Variants in LIMCH1 observed in about 807,000 individuals in gnomAD.
LIMCH1 encodes LIM and calponin homology domains 1, also known as LIM and calponin homology domains-containing protein 1.
Under a neutral mutation model 176.5 loss-of-function variants are expected in LIMCH1, and 113 were observed. That is an observed-to-expected ratio of 0.64 (90% CI 0.55 to 0.75). LIMCH1 has a LOEUF of 0.75. Among genes scored for constraint, LIMCH1 ranks in the 30% least tolerant of loss-of-function variants. The pLI is 0.00. For missense variants in LIMCH1, 1,674 were observed against 1,814.9 expected (o/e 0.92, Z 1.41); for synonymous variants, 619 against 645.9 (o/e 0.96, Z 0.63).
chr4:41,591,421 C>A (rs571327859), intron 1 of LIMCH1, among the ~76,000 whole-genome samples: 1 of 151,978 alleles, frequency 6.6e-6, no homozygotes, highest in Non-Finnish European at 1.5e-5. Flanking sequence ...TTTTAAAAAA[C>A]GTTTTATAGA....
Position 41,682,455 on chromosome 4 carries a change from G to A in LIMCH1, c.3840G>A (p.Lys1280=). 8 of 1,612,642 alleles carry A rather than the reference G, an allele frequency of 5.0e-6. No homozygotes were observed. The highest frequency in any genetic ancestry group is 4.2e-6 in the Non-Finnish European group (5 of 1,179,084). Residue 1280 remains lysine, a synonymous_variant, in exon 26 of 32, where the codon AAG becomes AAA. Transcript: ENST00000503057. ...GGGAAAGTGATCGACTGGAGGAGAA[G>A]GGCAGGTATGAGCCCATCCCAAGCC... The part of the protein sequence containing the change: ...KTRESDRLEE[K]GSLTEGALAH...
chr4:41,509,685 G>A (rs2074614285), intron 2 of LIMCH1, among the ~76,000 whole-genome samples: 1 of 152,222 alleles, frequency 6.6e-6, no homozygotes. Context: ...CAAGAATTGA[G>A]TATCCCCAAC....
At chr4:41,635,675 A>T (rs1392004668) in intron 13 of LIMCH1, among the ~76,000 whole-genome samples, 3 of 152,226 alleles carry the variant, frequency 2.0e-5, no homozygotes, top group Non-Finnish European at 4.4e-5. Context: ...CACATTTCCT[A>T]TCAACAAGTG....
intron 7 of LIMCH1, among the ~76,000 whole-genome samples, chr4:41,621,947 C>T (rs1487379167): frequency 6.6e-6 from 1 of 151,428 alleles, no homozygotes. Flanking sequence ...TGTTGAGTTA[C>T]ATAAATTTAA....
chr4:41,505,544 T>C (rs1226185039), intron 2 of LIMCH1, among the ~76,000 whole-genome samples: 1 of 152,178 alleles, frequency 6.6e-6, no homozygotes, highest in Non-Finnish European at 1.5e-5. Context: ...AACCCTGACC[T>C]CTGTGGTGAT....
intron 2 of LIMCH1, among the ~76,000 whole-genome samples, chr4:41,509,714 T>C (rs1276513148): frequency 6.6e-6 from 1 of 152,172 alleles, no homozygotes; most frequent in Non-Finnish European, 1.5e-5. Context: ...GTTAGAAAGA[T>C]GAAAACAGAT....
At chr4:41,627,628 A>G (rs1373491300) in intron 8 of LIMCH1, among the ~76,000 whole-genome samples, 6 of 152,246 alleles carry the variant, frequency 3.9e-5, no homozygotes, top group African/African-American at 1.4e-4. Flanking sequence ...CCTTTTGCCA[A>G]CATTTTCCCC....
chr4:41,504,042 C>T (rs1284338509), intron 2 of LIMCH1, among the ~76,000 whole-genome samples: 1 of 152,174 alleles, frequency 6.6e-6, no homozygotes, highest in Non-Finnish European at 1.5e-5. Flanking sequence ...GTACTTTCTC[C>T]TTTTAATTTA....
At chr4:41,391,535 C>A (rs543242339) in intron 1 of LIMCH1, among the ~76,000 whole-genome samples, 259 of 152,282 alleles carry the variant, frequency 1.7e-3, no homozygotes, top group Non-Finnish European at 2.5e-3. Flanking sequence ...GTGGAGAAAT[C>A]TGGCAGACAC....
chr4:41,674,128 A>G (rs1018936696), intron 22 of LIMCH1, among the ~76,000 whole-genome samples: 6 of 151,888 alleles, frequency 4.0e-5, no homozygotes, highest in Admixed American at 2.0e-4. Context: ...TAAAATACCC[A>G]CTGCTTTCCT....
chr4:41,624,239 T>G (rs2092785142), intron 7 of LIMCH1, among the ~76,000 whole-genome samples: 1 of 152,184 alleles, frequency 6.6e-6, no homozygotes, highest in Non-Finnish European at 1.5e-5. Flanking sequence ...GTGCTTGCTT[T>G]CTGCTAGTCT....
At chr4:41,484,403 C>T (rs939177445) in intron 1 of LIMCH1, among the ~76,000 whole-genome samples, 13 of 152,150 alleles carry the variant, frequency 8.5e-5, no homozygotes, top group African/African-American at 3.1e-4. Flanking sequence ...GAGTGTGATC[C>T]ATCAATGTTT....
chr4:41,364,897 CT>C (rs148627191), intron 1 of LIMCH1, among the ~76,000 whole-genome samples: 1,688 of 151,274 alleles, frequency 0.011, 32 homozygotes, highest in African/African-American at 0.039. Context: ...TTATTTCCTT[CT>C]TTTTTTTTGG....
intron 1 of LIMCH1, among the ~76,000 whole-genome samples, chr4:41,454,939 CATGTGTGTGTGTGTGT>C (rs1342253436): frequency 1.5e-5 from 2 of 130,466 alleles, no homozygotes; most frequent in African/African-American, 6.6e-5. Context: ...TGTATGCGTA[CATGTGTGTGTGTGTGT>C]GTGTGTGTGT....
intron 13 of LIMCH1, among the ~76,000 whole-genome samples, 156 bp downstream of exon 13, chr4:41,633,964 T>C (rs965863952): frequency 6.6e-6 from 1 of 152,246 alleles, no homozygotes; most frequent in Non-Finnish European, 1.5e-5. Context: ...AAATTTTTCC[T>C]CTTTTTACAT....
intron 2 of LIMCH1, among the ~76,000 whole-genome samples, chr4:41,504,451 G>A (rs1167639016): frequency 6.6e-6 from 1 of 152,074 alleles, no homozygotes; most frequent in Non-Finnish European, 1.5e-5. Context: ...ATTCCTTTTT[G>A]CATCTGAGCA....
chr4:41,550,633 C>T (rs1215755996), intron 1 of LIMCH1, among the ~76,000 whole-genome samples: 1 of 152,052 alleles, frequency 6.6e-6, no homozygotes, highest in Non-Finnish European at 1.5e-5. Context: ...TGAAAGACAA[C>T]CTTGAAAAGA....
chr4:41,507,931 C>T (rs2074384924), intron 2 of LIMCH1, among the ~76,000 whole-genome samples: 1 of 152,110 alleles, frequency 6.6e-6, no homozygotes, highest in Non-Finnish European at 1.5e-5. Flanking sequence ...AGATTCCCTT[C>T]AAGAAGCACA....
chr4:41,375,478 T>C (rs2054600205), intron 1 of LIMCH1, among the ~76,000 whole-genome samples: 2 of 152,356 alleles, frequency 1.3e-5, no homozygotes, highest in African/African-American at 4.8e-5. Flanking sequence ...TATATAAACC[T>C]TTACACTGAA....
Sources: gnomAD v4.1 joint callset for allele counts (sites outside exome capture counted in the v4.1 genomes callset) on GRCh38, gnomAD v4.1.1 for gene constraint, MANE v1.5 for transcripts, NCBI Gene and HGNC (gene_info 2026-07-23, HGNC 2026-07-21) for gene names.